PRICKLE4: variants seen among roughly 807,000 people sequenced by gnomAD.
PRICKLE4 encodes the protein prickle-like protein 4.
Under a neutral mutation model 43.5 loss-of-function variants are expected in PRICKLE4, and 40 were observed. The ratio of observed to expected loss-of-function variants is 0.92; its 90% confidence interval spans 0.71 to 1.20. PRICKLE4 has a LOEUF of 1.20. Ranked by LOEUF, PRICKLE4 falls within the 50% of genes most tolerant of loss-of-function variation. The probability of loss-of-function intolerance (pLI) is 0.00; values close to 1 mark genes in which losing one functional copy is unlikely to be tolerated. For missense variants in PRICKLE4, 527 were observed against 491.2 expected (o/e 1.07, Z -0.69); for synonymous variants, 208 against 197.4 (o/e 1.05, Z -0.45).
At position 41,786,690 on chromosome 6, in the gene PRICKLE4, A is replaced by AC. The variant is rs765075910; in HGVS notation, c.788-67dup. ...TGGGCGGGGCGGGAGGCTGGGCCTC[A>AC]CCCCCACTAGCTGCGGTGTAGGTCC... On this transcript the variant is annotated intron_variant, in intron 7 of 7. Coordinates refer to ENST00000458694, the MANE Select transcript of PRICKLE4 (RefSeq NM_013397.6). 99 of 1,604,654 alleles carry AC rather than the reference A, an allele frequency of 6.2e-5. No homozygotes were observed. In the African/African-American group the frequency reaches 1.3e-3, roughly 20 times the overall value.
Position 41,783,523 on chromosome 6 carries a change from C to A in PRICKLE4, c.50C>A (p.Pro17His). 6.3e-7 allele frequency: 1 copy of A among 1,599,842 alleles called. No individual in the cohort carries two copies. Among genetic ancestry groups the A allele is most frequent in the East Asian group, 2.2e-5 (1 of 44,816 alleles). Reference protein sequence around the residue: ...GWPHQEDSPKPQDPGPPANSD... With the variant: ...GWPHQEDSPKHQDPGPPANSD... The stretch of plus-strand genomic sequence containing the variant: ...CCCCACCAAGAAGACAGCCCCAAGC[C>A]CCAGGATCCAGGTCCACCAGCCAAC... The change falls in exon 3 of 8, where the codon CCC becomes CAC. Residue 17 changes from proline to histidine, a missense_variant. Coordinates refer to ENST00000458694, the MANE Select transcript of PRICKLE4 (RefSeq NM_013397.6).
chr6:41,783,301 G>C (rs1303149148), intron 2 of PRICKLE4, among the ~76,000 whole-genome samples, 161 bp from the exon 3 acceptor site: 1 of 152,182 alleles, frequency 6.6e-6, no homozygotes. Flanking sequence ...GCTACTCAAG[G>C]TCTGATCCTC....
chr6:41,785,708 T>C lies in PRICKLE4; in HGVS notation c.582+168T>C, dbSNP rs184405755. Among the ~76,000 whole-genome samples the C allele has an allele frequency of 6.2e-3, 938 of 152,314 alleles. 8 individuals carry two copies. The highest frequency in any genetic ancestry group is 0.02 in the African/African-American group (818 of 41,566). On this transcript the variant is annotated intron_variant, in intron 6 of 7. Coordinates refer to ENST00000458694, the MANE Select transcript of PRICKLE4 (RefSeq NM_013397.6). ...TGTGTTCTGACTTGAGCTCTGGGCA[T>C]GTAGGACCCAGTGCCCTTCTCTCTG...
At chr6:41,782,375 G>C (rs1336487365) in intron 2 of PRICKLE4, among the ~76,000 whole-genome samples, 29 of 132,744 alleles carry the variant, frequency 2.2e-4, no homozygotes, top group Non-Finnish European at 4.3e-4. Context: ...CCCAGCCAAT[G>C]GTCACTTCTT....
At chr6:41,786,552 G>C (rs1772654442) in intron 7 of PRICKLE4, 1 of 1,030,698 alleles carries the variant, frequency 9.7e-7, no homozygotes, top group Admixed American at 2.1e-5. Context: ...GCCGCGGTCG[G>C]GGTTGCGGCG....
intron 7 of PRICKLE4, chr6:41,786,548 G>T: frequency 2.9e-6 from 3 of 1,023,890 alleles, no homozygotes; most frequent in Non-Finnish European, 2.9e-6. Context: ...CCGCGCCGCG[G>T]TCGGGGTTGC....
intron 2 of PRICKLE4, among the ~76,000 whole-genome samples, chr6:41,782,593 C>T (rs1438252245): frequency 6.6e-6 from 1 of 151,074 alleles, no homozygotes; most frequent in Non-Finnish European, 1.5e-5. Context: ...AGGTTTACAC[C>T]GTGTTAGCCA....
At chr6:41,783,332 G>T in intron 2 of PRICKLE4, 130 bp from the exon 3 acceptor site, 1 of 950,466 alleles carries the variant, frequency 1.1e-6, no homozygotes, top group East Asian at 3.0e-5. Flanking sequence ...TCTGTAAGAT[G>T]GGGATAATGC....
At position 41,785,367 on chromosome 6, in the gene PRICKLE4, G is replaced by C. The variant is rs34342271; in HGVS notation, c.409G>C (p.Gly137Arg). The C allele has an allele frequency of 1.7e-4, 268 of 1,614,036 alleles. 3 individuals are homozygous for C. The African/African-American group carries it at 3.3e-3, about 20-fold the overall frequency. ...GGAGCTGCTGAAGCCAGGGGAGTAC[G>C]GAGTGTTTGCAGCCCGGGCAGGGGA... The part of the protein sequence containing the change: ...CRELLKPGEY[G>R]VFAARAGEQR... Residue 137 changes from glycine to arginine, a missense_variant, in exon 6 of 8, where the codon GGA becomes CGA. By Grantham distance (125) the Gly-to-Arg change is moderately radical. Coordinates refer to ENST00000458694, the MANE Select transcript of PRICKLE4 (RefSeq NM_013397.6).
rs1267861361 is a variant in PRICKLE4 at position 41,786,745 on chromosome 6, G to A, written c.788-17G>A. On this transcript the variant is annotated splice_polypyrimidine_tract_variant and intron_variant, in intron 7 of 7. Transcript: ENST00000458694. ...CCGCGGCTCTGAGACCAGCGTTTCCGACCCGGCCCGGAACAGGGGAGACTG... is the reference window on the plus strand; with the variant it reads ...CCGCGGCTCTGAGACCAGCGTTTCCAACCCGGCCCGGAACAGGGGAGACTG... 6.2e-7 allele frequency: 1 copy of A among 1,612,926 alleles called. No individual in the cohort carries two copies. The highest frequency in any genetic ancestry group is 1.3e-5 in the African/African-American group (1 of 75,052).
chr6:41,786,684 G>A, intron 7 of PRICKLE4, 78 bp from the exon 8 acceptor site: 1 of 1,601,600 alleles, frequency 6.2e-7, no homozygotes, highest in Non-Finnish European at 8.5e-7. Context: ...CGGGAGGCTG[G>A]GCCTCACCCC....
chr6:41,785,334 C>CA lies in PRICKLE4; in HGVS notation c.379-2dup. On this transcript the variant is annotated splice_polypyrimidine_tract_variant and splice_region_variant and intron_variant, in intron 5 of 7. Transcript: ENST00000458694. ...GACCACCTCAGCACCTCCCCTCTGA[C>CA]AGTGTAGGGAGCTGCTGAAGCCAGG... The CA allele has an allele frequency of 6.2e-7, 1 of 1,613,606 alleles. No homozygotes were observed. Among genetic ancestry groups the CA allele is most frequent in the Non-Finnish European group, 8.5e-7 (1 of 1,179,726 alleles).
Position 41,786,986 on chromosome 6 carries a change from C to T in PRICKLE4, c.1012C>T (p.Pro338Ser), listed in dbSNP as rs1189044043. 1.9e-6 allele frequency: 3 copies of T among 1,614,032 alleles called. No individual in the cohort carries two copies. The East Asian group carries it at 6.7e-5, about 36-fold the overall frequency. The change falls in exon 8 of 8, where the codon CCT (proline) becomes TCT (serine). Residue 338 changes from proline (P) to serine (S), a missense_variant. Transcript: ENST00000458694. The part of the protein sequence containing the change: ...LETIRDPKDT[P>S]FSTCSSSSDS... Reference sequence around the variant, plus strand: ...GACTATTCGTGATCCCAAGGACACCCCTTTCTCCACCTGCTCCTCCTCCTC... The same window carrying T: ...GACTATTCGTGATCCCAAGGACACCTCTTTCTCCACCTGCTCCTCCTCCTC...
At chr6:41,784,814 G>A (rs1460098070) in intron 4 of PRICKLE4, 121 bp from the exon 5 acceptor site, 18 of 1,258,164 alleles carry the variant, frequency 1.4e-5, no homozygotes, top group Admixed American at 6.7e-5. Context: ...ATTATCTCTG[G>A]CATCTCCCTG....
At chr6:41,786,727 T>A in intron 7 of PRICKLE4, 35 bp from the exon 8 acceptor site, 1 of 1,612,138 alleles carries the variant, frequency 6.2e-7, no homozygotes, top group Non-Finnish European at 8.5e-7. Context: ...GCTCCGCGGC[T>A]CTGAGACCAG....
intron 2 of PRICKLE4, among the ~76,000 whole-genome samples, chr6:41,782,289 C>T (rs1370429007): frequency 1.3e-5 from 2 of 151,672 alleles, no homozygotes; most frequent in East Asian, 3.9e-4. Context: ...CCAGGATGGT[C>T]TCGAACCACT....
At chr6:41,786,481 C>T (rs1310302406) in intron 7 of PRICKLE4, 149 bp downstream of exon 7, 3 of 1,073,324 alleles carry the variant, frequency 2.8e-6, no homozygotes, top group South Asian at 1.3e-5. Flanking sequence ...CCTCGGGGCC[C>T]GCAGCTCTCA....
Position 41,783,482 on chromosome 6 carries a change from G to A in PRICKLE4, c.9G>A (p.Val3=), listed in dbSNP as rs1170779110. The change falls in exon 3 of 8, where the codon GTG becomes GTA. Residue 3 remains valine, a synonymous_variant. Coordinates refer to ENST00000458694, the MANE Select transcript of PRICKLE4 (RefSeq NM_013397.6). ...GGTAGGCTTTGCCACAAATGTCAGTGCAGAACTCTGGCTGGCCCCACCAAG... is the reference window on the plus strand; with the variant it reads ...GGTAGGCTTTGCCACAAATGTCAGTACAGAACTCTGGCTGGCCCCACCAAG... MS[V]QNSGWPHQED... The A allele has an allele frequency of 6.6e-7, 1 of 1,519,892 alleles. No individual in the cohort carries two copies. Among genetic ancestry groups the A allele is most frequent in the South Asian group, 1.1e-5 (1 of 88,266 alleles). The allele number at this position is 1,519,892 out of a possible 1,614,324, so 94.2% of individuals were successfully genotyped here.
chr6:41,786,151 C>G lies in PRICKLE4; in HGVS notation c.606C>G (p.Thr202=). ...AGCTGATCTTCTCCTGGCGCTGCAC[C>G]GAGGCGGAGGGACAGCGCTGGCATG... ...CDQLIFSWRC[T]EAEGQRWHEN... Residue 202 remains threonine (T), a synonymous_variant, in exon 7 of 8, where the codon ACC becomes ACG. Coordinates refer to ENST00000458694, the MANE Select transcript of PRICKLE4 (RefSeq NM_013397.6). 1 of 1,613,784 alleles carries G rather than the reference C, an allele frequency of 6.2e-7. No individual in the cohort carries two copies. The highest frequency in any genetic ancestry group is 1.6e-4 in the Middle Eastern group (1 of 6,062).
Sources: gnomAD v4.1 joint callset for allele counts (sites outside exome capture counted in the v4.1 genomes callset) on GRCh38, gnomAD v4.1.1 for gene constraint, MANE v1.5 for transcripts, NCBI Gene and HGNC (gene_info 2026-07-23, HGNC 2026-07-21) for gene names.